SIPA1L1: variants seen among roughly 807,000 people sequenced by gnomAD.
SIPA1L1 encodes the protein signal induced proliferation associated 1 like 1, also known as signal-induced proliferation-associated 1-like protein 1.
SIPA1L1 carries 26 observed loss-of-function variants against 162.7 expected under a neutral mutation model. That is an observed-to-expected ratio of 0.16 (90% CI 0.12 to 0.22). The LOEUF is 0.22. Ranked by LOEUF, SIPA1L1 falls within the 10% of genes least tolerant of loss-of-function variation. The probability of loss-of-function intolerance (pLI) is 1.00; values close to 1 mark genes in which losing one functional copy is unlikely to be tolerated. For synonymous variants in SIPA1L1, 829 were observed against 837.4 expected, an observed-to-expected ratio of 0.99 and a Z score of 0.17; for missense variants, 1,874 against 2,241.0, an observed-to-expected ratio of 0.84 and a Z score of 3.31.
rs1028493686 is a variant in SIPA1L1 at position 71,699,082 on chromosome 14, C to T, written c.3476C>T (p.Thr1159Ile). The change falls in exon 14 of 24, where the codon ACT becomes ATT. Residue 1159 changes from threonine to isoleucine, a missense_variant. Physicochemically the swap from Thr to Ile is moderately conservative, Grantham distance 89. This residue lies in a region of SIPA1L1 where 936 missense variants were observed against 1,051.9 expected (regional missense o/e 0.89). Coordinates refer to ENST00000381232, the MANE Select transcript of SIPA1L1 (RefSeq NM_001386936.1). ...SPSNLSSSSD[T>I]GSVGGTYRQK... ...AGCAACTTGTCTTCATCCAGTGATA[C>T]TGGTTCTGTGGGGGGCACTTACAGG... is the stretch of plus-strand genomic sequence containing the variant. 6.2e-7 allele frequency: 1 copy of T among 1,614,126 alleles called. No homozygotes were observed. Among genetic ancestry groups the T allele is most frequent in the Non-Finnish European group, 8.5e-7 (1 of 1,179,968 alleles).
intron 22 of SIPA1L1, among the ~76,000 whole-genome samples, chr14:71,737,299 G>A (rs372156093): frequency 3.3e-5 from 5 of 152,238 alleles, no homozygotes; most frequent in Non-Finnish European, 2.9e-5. Flanking sequence ...CTTTTACTCC[G>A]TGACCTAGAA....
chr14:71,479,371 A>ATGTATGTG (rs1555433746), intron 2 of SIPA1L1, among the ~76,000 whole-genome samples: 176 of 151,310 alleles, frequency 1.2e-3, no homozygotes, highest in African/African-American at 4.0e-3. Flanking sequence ...GTATGTATGT[A>ATGTATGTG]TGTGTGTATA....
At chr14:71,543,799 TATA>T (rs1192963122) in intron 4 of SIPA1L1, among the ~76,000 whole-genome samples, 1 of 150,638 alleles carries the variant, frequency 6.6e-6, no homozygotes, top group Non-Finnish European at 1.5e-5. Context: ...TATATATGTA[TATA>T]ATGTATGTAT....
intron 7 of SIPA1L1, among the ~76,000 whole-genome samples, chr14:71,643,635 A>G (rs2041914381): frequency 6.6e-6 from 1 of 152,236 alleles, no homozygotes; most frequent in Non-Finnish European, 1.5e-5. Context: ...ACATATGTGC[A>G]TCTGCTGTCA....
rs1238916702 is a variant in SIPA1L1, at chr14:71,702,445, G to A, written c.3586G>A (p.Gly1196Ser). 1 of 1,614,186 alleles carries A rather than the reference G, an allele frequency of 6.2e-7. No individual in the cohort carries two copies. The highest frequency in any genetic ancestry group is 8.5e-7 in the Non-Finnish European group (1 of 1,180,008). The change falls in exon 15 of 24, where the codon GGC (glycine) becomes AGC (serine). Residue 1196 changes from glycine to serine, a missense_variant. Physicochemically the swap from Gly to Ser is moderately conservative, Grantham distance 56. Coordinates refer to ENST00000381232, the MANE Select transcript of SIPA1L1 (RefSeq NM_001386936.1). ...DRQNTQSDIGGSGKSTPSWQR... is the reference protein window; with the variant it reads ...DRQNTQSDIGSSGKSTPSWQR... ...GCAGAACACCCAGTCAGATATTGGT[G>A]GCAGCGGAAAATCCACGCCTAGCTG... is the stretch of plus-strand genomic sequence containing the variant.
intron 2 of SIPA1L1, among the ~76,000 whole-genome samples, chr14:71,344,076 C>T (rs781000089): frequency 1.3e-5 from 2 of 152,170 alleles, no homozygotes; most frequent in Non-Finnish European, 2.9e-5. Context: ...TGAAGGGTCT[C>T]TTAGGTACTA....
chr14:71,581,521 T>C (rs1177742121), intron 4 of SIPA1L1, among the ~76,000 whole-genome samples: 3 of 152,182 alleles, frequency 2.0e-5, no homozygotes, highest in African/African-American at 7.2e-5. Context: ...CCGGGGCATC[T>C]ATTTCTCACA....
intron 2 of SIPA1L1, among the ~76,000 whole-genome samples, chr14:71,484,126 C>T (rs1206160123): frequency 1.3e-5 from 2 of 152,138 alleles, no homozygotes; most frequent in Non-Finnish European, 2.9e-5. Context: ...CTTAATGCAG[C>T]CTTGAATAAA....
At chr14:71,523,009 A>G (rs1352982492) in intron 3 of SIPA1L1, among the ~76,000 whole-genome samples, 1 of 152,038 alleles carries the variant, frequency 6.6e-6, no homozygotes, top group African/African-American at 2.4e-5. Flanking sequence ...TTTTTATTTG[A>G]GAAACACTCT....
At chr14:71,552,383 C>T (rs1445744430) in intron 4 of SIPA1L1, among the ~76,000 whole-genome samples, 22 of 151,470 alleles carry the variant, frequency 1.5e-4, no homozygotes. Flanking sequence ...TGTATTTTCC[C>T]ATACCCTATT....
chr14:71,466,540 A>G (rs1221543671), intron 2 of SIPA1L1, among the ~76,000 whole-genome samples: 1 of 150,364 alleles, frequency 6.7e-6, no homozygotes, highest in Non-Finnish European at 1.5e-5. Context: ...GCTGCTCTGT[A>G]TTTGTGTAGA....
intron 2 of SIPA1L1, among the ~76,000 whole-genome samples, chr14:71,423,754 T>A (rs2043359613): frequency 6.6e-6 from 1 of 152,202 alleles, no homozygotes; most frequent in Non-Finnish European, 1.5e-5. Context: ...TGAGTCTTCC[T>A]GCTTTGTTCC....
At position 71,583,261 on chromosome 14, in the gene SIPA1L1, G is replaced by A. The variant is rs555402213; in HGVS notation, c.-302-4310G>A. On this transcript the variant is annotated intron_variant, in intron 4 of 23. Coordinates refer to ENST00000381232, the MANE Select transcript of SIPA1L1 (RefSeq NM_001386936.1). ...CTGCCTTGGCCTTCTAAAGTGCTGG[G>A]ATTACAGGCACAAGGCACTGTGCTG... 5.3e-4 allele frequency among the ~76,000 whole-genome samples: 80 copies of A among 152,282 alleles called. 3 individuals carry two copies. The South Asian group carries it at 0.016, about 31-fold the overall frequency.
chr14:71,690,730 C>A (rs920276702), intron 13 of SIPA1L1, among the ~76,000 whole-genome samples: 9 of 152,292 alleles, frequency 5.9e-5, no homozygotes, highest in African/African-American at 1.9e-4. Flanking sequence ...CCCACTTCTT[C>A]CTCATTTTTA....
At chr14:71,645,929 T>C (rs1461771488) in intron 7 of SIPA1L1, among the ~76,000 whole-genome samples, 1 of 152,216 alleles carries the variant, frequency 6.6e-6, no homozygotes, top group Non-Finnish European at 1.5e-5. Flanking sequence ...CTAAATTTAA[T>C]TAGGCAATAG....
intron 7 of SIPA1L1, among the ~76,000 whole-genome samples, chr14:71,645,015 C>T (rs997129703): frequency 1.3e-5 from 2 of 152,228 alleles, no homozygotes; most frequent in Non-Finnish European, 2.9e-5. Flanking sequence ...ATTGGTGTCA[C>T]TGGGCTAAAA....
chr14:71,685,370 C>G lies in SIPA1L1; in HGVS notation c.3113C>G (p.Ser1038Cys). The G allele has an allele frequency of 6.2e-7, 1 of 1,614,084 alleles. No individual in the cohort carries two copies. The highest frequency in any genetic ancestry group is 8.5e-7 in the Non-Finnish European group (1 of 1,179,996). Reference protein sequence around the residue: ...HDDCTPRRSCSETYRMPVMEY... With the variant: ...HDDCTPRRSCCETYRMPVMEY... ...TGCCTTGCCCCTAATAGGAGTTGCTCTGAAACCTACCGCATGCCAGTGATG... is the reference window on the plus strand; with the variant it reads ...TGCCTTGCCCCTAATAGGAGTTGCTGTGAAACCTACCGCATGCCAGTGATG... Residue 1038 changes from serine to cysteine, a missense_variant, in exon 13 of 24, where the codon TCT (serine) becomes TGT (cysteine). This residue lies in a region of SIPA1L1 where 936 missense variants were observed against 1,051.9 expected (regional missense o/e 0.89). Transcript: ENST00000381232.
At position 71,547,536 on chromosome 14, in the gene SIPA1L1, C is replaced by T. The variant is rs112313939; in HGVS notation, c.-303+18166C>T. 6.6e-3 allele frequency among the ~76,000 whole-genome samples: 997 copies of T among 152,096 alleles called. 11 individuals carry two copies. The highest frequency in any genetic ancestry group is 0.022 in the African/African-American group (925 of 41,474). On this transcript the variant is annotated intron_variant, in intron 4 of 23. Coordinates refer to ENST00000381232, the MANE Select transcript of SIPA1L1 (RefSeq NM_001386936.1). Reference sequence around the variant, plus strand: ...CTCGAACTCCGTACCTCAGGTGATCCGTGCGCGTTGGCCTCCCAAAGTGCT... The same window carrying T: ...CTCGAACTCCGTACCTCAGGTGATCTGTGCGCGTTGGCCTCCCAAAGTGCT...
At chr14:71,384,920 G>A (rs969639810) in intron 2 of SIPA1L1, among the ~76,000 whole-genome samples, 1 of 152,124 alleles carries the variant, frequency 6.6e-6, no homozygotes, top group African/African-American at 2.4e-5. Flanking sequence ...TTATCTGGAA[G>A]CACTCTGGCT....
Sources: allele counts gnomAD v4.1 joint callset (sites outside exome capture counted in the v4.1 genomes callset), GRCh38; gene constraint gnomAD v4.1.1; regional missense constraint gnomAD v4.1.1; transcripts MANE v1.5; gene names NCBI Gene and HGNC (gene_info 2026-07-23, HGNC 2026-07-21).